GSE1: variants seen among roughly 807,000 people sequenced by gnomAD.
GSE1 encodes the protein genetic suppressor element 1.
In GSE1, 32 loss-of-function variants were observed where a neutral mutation model predicts 112.6. The observed-to-expected ratio is 0.28, with a 90% CI of 0.21 to 0.38. GSE1 has a LOEUF of 0.38. Among genes scored for constraint, GSE1 ranks in the 10% least tolerant of loss-of-function variants. The pLI, the probability that GSE1 is intolerant of heterozygous loss-of-function variation, is 1.00. For missense variants in GSE1, 2,348 were observed against 1,699.2 expected (o/e 1.38, Z -6.71); for synonymous variants, 1,115 against 735.6 (o/e 1.52, Z -8.35).
intron 2 of GSE1, among the ~76,000 whole-genome samples, chr16:85,470,082 A>AGGGCCACGCTCCAGGGTGC (rs2050239892): frequency 6.6e-6 from 1 of 152,222 alleles, no homozygotes; most frequent in African/African-American, 2.4e-5. Flanking sequence ...TCTGAGGGTG[A>AGGGCCACGCTCCAGGGTGC]GGGCCACGCT....
intron 1 of GSE1, among the ~76,000 whole-genome samples, chr16:85,567,545 G>A: frequency 6.6e-6 from 1 of 152,176 alleles, no homozygotes; most frequent in Non-Finnish European, 1.5e-5. Flanking sequence ...TGTGGCATGA[G>A]CTTCCTCAAA....
At chr16:85,473,496 A>G (rs1318955695) in intron 2 of GSE1, among the ~76,000 whole-genome samples, 1 of 152,160 alleles carries the variant, frequency 6.6e-6, no homozygotes, top group Non-Finnish European at 1.5e-5. Context: ...GGCTCTCTCC[A>G]GGGCTCCGAG....
chr16:85,578,237 G>A (rs532292186), intron 1 of GSE1, among the ~76,000 whole-genome samples: 42 of 152,348 alleles, frequency 2.8e-4, no homozygotes, highest in African/African-American at 8.2e-4. Context: ...CTTGCTGTGC[G>A]GCTTCCCCCA....
chr16:85,404,189 A>T (rs1378184880), intron 2 of GSE1, among the ~76,000 whole-genome samples: 10 of 80,518 alleles, frequency 1.2e-4, no homozygotes, highest in Admixed American at 3.7e-4. Context: ...TCACCGTTAC[A>T]CTCAGGGCCC....
chr16:85,613,523 GT>G, intron 1 of GSE1, 125 bp downstream of exon 1: 1 of 887,662 alleles, frequency 1.1e-6, no homozygotes, highest in Non-Finnish European at 1.7e-6. Context: ...TCCCCGGAGT[GT>G]TAGCGGCGAT....
chr16:85,369,710 G>A (rs1286489319), intron 2 of GSE1, among the ~76,000 whole-genome samples: 4 of 152,234 alleles, frequency 2.6e-5, no homozygotes, highest in Admixed American at 1.3e-4. Flanking sequence ...GATTAGATGT[G>A]GACGTCTTTT....
intron 1 of GSE1, among the ~76,000 whole-genome samples, chr16:85,295,963 C>T (rs375097131): frequency 6.6e-6 from 1 of 152,082 alleles, no homozygotes; most frequent in Non-Finnish European, 1.5e-5. Context: ...GGAAGGGCGA[C>T]CGTCACTGCT....
intron 2 of GSE1, among the ~76,000 whole-genome samples, chr16:85,512,349 C>T (rs2051776035): frequency 1.3e-5 from 2 of 152,152 alleles, no homozygotes; most frequent in Admixed American, 1.3e-4. Context: ...GCTGTCGGGC[C>T]CCAGGACAGC....
intron 1 of GSE1, among the ~76,000 whole-genome samples, chr16:85,344,251 G>A (rs1196544108): frequency 2.0e-5 from 3 of 152,208 alleles, no homozygotes; most frequent in African/African-American, 7.2e-5. Flanking sequence ...GGCTGAGGAG[G>A]AGGCAGAGAA....
chr16:85,355,247 A>T (rs1873270073), intron 1 of GSE1, among the ~76,000 whole-genome samples: 1 of 151,746 alleles, frequency 6.6e-6, no homozygotes, highest in Admixed American at 6.6e-5. Context: ...AAAAAACCGG[A>T]TCAACAGAAA....
chr16:85,565,872 G>A (rs1216860565), intron 1 of GSE1, among the ~76,000 whole-genome samples: 1 of 152,212 alleles, frequency 6.6e-6, no homozygotes, highest in Non-Finnish European at 1.5e-5. Context: ...GGTTCCCCGG[G>A]TGTCCTTGCC....
intron 2 of GSE1, among the ~76,000 whole-genome samples, chr16:85,438,842 G>A (rs139145066): frequency 6.6e-6 from 1 of 152,176 alleles, no homozygotes; most frequent in Admixed American, 6.5e-5. Flanking sequence ...TCAGGTCTGT[G>A]GGCACTGTCT....
intron 2 of GSE1, among the ~76,000 whole-genome samples, chr16:85,428,932 C>T (rs989050606): frequency 6.6e-6 from 1 of 152,214 alleles, no homozygotes; most frequent in Non-Finnish European, 1.5e-5. Flanking sequence ...TCCTGGGCAG[C>T]TGGAGTGAGC....
intron 1 of GSE1, among the ~76,000 whole-genome samples, chr16:85,215,134 A>G (rs1472419521): frequency 1.3e-5 from 2 of 152,224 alleles, no homozygotes; most frequent in Non-Finnish European, 2.9e-5. Context: ...AAGTGGTTAA[A>G]GAGCTTTGAC....
At chr16:85,621,312 C>G (rs1018018554) in intron 1 of GSE1, among the ~76,000 whole-genome samples, 1 of 152,180 alleles carries the variant, frequency 6.6e-6, no homozygotes, top group Non-Finnish European at 1.5e-5. Flanking sequence ...TGGGTCTCTG[C>G]GGTGTTGGGG....
intron 1 of GSE1, among the ~76,000 whole-genome samples, chr16:85,210,982 C>T (rs576669714): frequency 6.6e-6 from 1 of 152,192 alleles, no homozygotes; most frequent in Non-Finnish European, 1.5e-5. Flanking sequence ...CAGGAAGCTC[C>T]CAGACTCCTT....
At chr16:85,611,868 A>G (rs1318087239), upstream of GSE1, among the ~76,000 whole-genome samples, 3 of 68,054 alleles carry the variant, frequency 4.4e-5, no homozygotes, top group Non-Finnish European at 6.8e-5. Context: ...GGGGAGGGGG[A>G]GGGAGGAAGG....
intron 2 of GSE1, among the ~76,000 whole-genome samples, chr16:85,398,464 C>T (rs2048017455): frequency 6.6e-6 from 1 of 152,058 alleles, no homozygotes; most frequent in Non-Finnish European, 1.5e-5. Context: ...GGGTAAGTAG[C>T]TGTGCCCTGC....
intron 1 of GSE1, among the ~76,000 whole-genome samples, chr16:85,255,425 T>TC (rs1203190611): frequency 6.6e-6 from 1 of 151,426 alleles, no homozygotes; most frequent in African/African-American, 2.4e-5. Context: ...TTTTTTTTTT[T>TC]TTTTGAGACG....
Sources: allele counts gnomAD v4.1 joint callset (sites outside exome capture counted in the v4.1 genomes callset), GRCh38; gene constraint gnomAD v4.1.1; transcripts MANE v1.5; gene names NCBI Gene and HGNC (gene_info 2026-07-23, HGNC 2026-07-21).